The following ANO2 variants were observed in gnomAD, a reference collection of about 807,000 sequenced individuals.
The protein encoded by ANO2 is anoctamin 2, also known as anoctamin-2.
In ANO2, 101 loss-of-function variants were observed where a neutral mutation model predicts 124.2. The ratio of observed to expected loss-of-function variants is 0.81; its 90% CI spans 0.69 to 0.96. The LOEUF (loss-of-function observed/expected upper bound fraction) is 0.96, where lower values mean the gene tolerates loss of function less well. ANO2 is among the 40% of genes least tolerant of loss of function. ANO2 has a pLI of 0.00. For missense variants in ANO2, 1,293 were observed against 1,274.5 expected (o/e 1.01, Z -0.22); for synonymous variants, 486 against 482.5 (o/e 1.01, Z -0.09).
intron 14 of ANO2, among the ~76,000 whole-genome samples, chr12:5,683,079 G>A (rs1463461891): frequency 1.3e-5 from 2 of 152,146 alleles, no homozygotes; most frequent in African/African-American, 2.4e-5. Context: ...AGTAGAGACT[G>A]TATACTGTGC....
At chr12:5,923,250 A>ACACACACATG (rs1293632547) in intron 1 of ANO2, among the ~76,000 whole-genome samples, 10 of 74,590 alleles carry the variant, frequency 1.3e-4, no homozygotes, top group Non-Finnish European at 2.1e-4. Flanking sequence ...ACACGCATAC[A>ACACACACATG]CACACATACA....
At chr12:5,767,059 C>T (rs115469558) in intron 10 of ANO2, among the ~76,000 whole-genome samples, 1 of 152,312 alleles carries the variant, frequency 6.6e-6, no homozygotes, top group African/African-American at 2.4e-5. Flanking sequence ...GCCAACAAGG[C>T]GTGTACCTAG....
chr12:5,852,695 G>A (rs950674077), intron 4 of ANO2, among the ~76,000 whole-genome samples: 4 of 152,078 alleles, frequency 2.6e-5, no homozygotes, highest in Non-Finnish European at 4.4e-5. Flanking sequence ...GCATGGTAAC[G>A]AGGGGGCAGG....
chr12:5,584,116 C>A, intron 20 of ANO2: 1 of 199,080 alleles, frequency 5.0e-6, no homozygotes, highest in Non-Finnish European at 1.1e-5. Context: ...TGTGTCATTC[C>A]TTAATTTAAT....
At chr12:5,788,811 G>A (rs768631503) in intron 10 of ANO2, among the ~76,000 whole-genome samples, 3 of 152,088 alleles carry the variant, frequency 2.0e-5, no homozygotes, top group Non-Finnish European at 2.9e-5. Context: ...CGCCCACCTC[G>A]GCCTCTCAAA....
At chr12:5,830,596 C>T in intron 5 of ANO2, 107 bp from the exon 6 acceptor site, 1 of 910,698 alleles carries the variant, frequency 1.1e-6, no homozygotes, top group Non-Finnish European at 1.7e-6. Flanking sequence ...CATAGCAAGA[C>T]TTATGAGGTG....
intron 14 of ANO2, among the ~76,000 whole-genome samples, chr12:5,688,236 G>A (rs4930744): frequency 0.12 from 18,168 of 152,166 alleles, 1,225 homozygotes; most frequent in African/African-American, 0.19. Context: ...TGGGGAATGG[G>A]GATGGCTTTG....
chr12:5,600,034 A>G (rs1943857503), intron 19 of ANO2, among the ~76,000 whole-genome samples: 1 of 152,206 alleles, frequency 6.6e-6, no homozygotes, highest in South Asian at 2.1e-4. Flanking sequence ...TCAGGTCTCA[A>G]TAACATTAAT....
At chr12:5,569,522 GA>G (rs1941975413) in intron 23 of ANO2, among the ~76,000 whole-genome samples, 1 of 152,164 alleles carries the variant, frequency 6.6e-6, no homozygotes, top group African/African-American at 2.4e-5. Context: ...TTCCAATAAT[GA>G]GACAACTAGC....
At position 5,769,588 on chromosome 12, in the gene ANO2, G is replaced by T. The variant is rs1450057708; in HGVS notation, c.1056-18618C>A. Among the ~76,000 whole-genome samples, 1 of 152,210 alleles carries T rather than the reference G, an allele frequency of 6.6e-6. No homozygotes were observed. Among genetic ancestry groups the T allele is most frequent in the East Asian group, 1.9e-4 (1 of 5,196 alleles). On this transcript the variant is annotated intron_variant, in intron 10 of 24. Transcript: ENST00000682330. This position sits in a 1 kb window ranked among gnomAD's most constrained non-coding sequence, Gnocchi z 4.0. ...AATCCAAGAGAAACGGTAAAGGCAA[G>T]TCCTGATTCCAGGTCTCCCTACCTA...
intron 3 of ANO2, among the ~76,000 whole-genome samples, chr12:5,871,694 G>GA (rs36017578): frequency 6.6e-6 from 1 of 152,206 alleles, no homozygotes; most frequent in East Asian, 1.9e-4. Context: ...CCAGTCCATG[G>GA]AAAAATTGTC....
chr12:5,721,485 G>C (rs564577535), intron 14 of ANO2, among the ~76,000 whole-genome samples: 2 of 147,598 alleles, frequency 1.4e-5, no homozygotes, highest in Non-Finnish European at 3.0e-5. Context: ...AGTTTTTTTG[G>C]TTTTTGGTTT....
rs577950759 is a variant in ANO2 at position 5,839,165 on chromosome 12, A to G, written c.634-6562T>C. 3.3e-5 allele frequency among the ~76,000 whole-genome samples: 5 copies of G among 152,260 alleles called. No homozygotes were observed. The South Asian group carries it at 1.0e-3, about 32-fold the overall frequency. ...GCTCGCTGCCTTGGGAGAGGAGGGG[A>G]GAGAGGTGGAGCCCAAGAAACTCCC... On this transcript the variant is annotated intron_variant, in intron 4 of 24. Coordinates refer to ENST00000682330, the MANE Select transcript of ANO2 (RefSeq NM_001364791.2).
chr12:5,656,672 T>C (rs946083195), intron 14 of ANO2, among the ~76,000 whole-genome samples: 1 of 152,222 alleles, frequency 6.6e-6, no homozygotes, highest in South Asian at 2.1e-4. Context: ...TGTCTAACCA[T>C]AGTGTCAGAT....
intron 7 of ANO2, among the ~76,000 whole-genome samples, chr12:5,810,207 A>G (rs774703306): frequency 1.8e-4 from 27 of 152,152 alleles, no homozygotes; most frequent in Non-Finnish European, 3.7e-4. Context: ...GAGAAAGTAC[A>G]TTAGAGGAGG....
chr12:5,772,758 T>A (rs1257915264), intron 10 of ANO2, among the ~76,000 whole-genome samples: 2 of 152,242 alleles, frequency 1.3e-5, no homozygotes, highest in Non-Finnish European at 2.9e-5. Context: ...GCAAGTGAAC[T>A]TTACAGTACA....
At chr12:5,921,627 C>G (rs937743594) in intron 2 of ANO2, among the ~76,000 whole-genome samples, 6 of 152,152 alleles carry the variant, frequency 3.9e-5, no homozygotes, top group African/African-American at 1.4e-4. Context: ...CACACACACA[C>G]TCACACACAG....
chr12:5,855,275 A>G (rs1466700049), intron 3 of ANO2, among the ~76,000 whole-genome samples: 2 of 152,236 alleles, frequency 1.3e-5, no homozygotes, highest in African/African-American at 4.8e-5. Flanking sequence ...AGAGAGATAG[A>G]TGGCAAATAG....
In ANO2 at chr12:5,612,840, T is replaced by G. The variant is rs1944612311; in HGVS notation, c.1986+61A>C. 1.1e-5 allele frequency: 18 copies of G among 1,608,326 alleles called. No individual in the cohort carries two copies. In the South Asian group the frequency reaches 2.0e-4, roughly 18 times the overall value. On this transcript the variant is annotated intron_variant, in intron 18 of 24. Coordinates refer to ENST00000682330, the MANE Select transcript of ANO2 (RefSeq NM_001364791.2). ...GGGCGCGAATGAAGCCATGCTGTGC[T>G]GGAGATAAGAATGGGGCTGGGTTGG...
Sources: gnomAD v4.1 joint callset for allele counts (sites outside exome capture counted in the v4.1 genomes callset) on GRCh38, gnomAD v4.1.1 for gene constraint, Gnocchi (gnomAD v3.1) non-coding constraint, MANE v1.5 for transcripts, NCBI Gene and HGNC (gene_info 2026-07-23, HGNC 2026-07-21) for gene names.